Variants in LRP6 observed in about 807,000 individuals in gnomAD.
LRP6 encodes low-density lipoprotein receptor-related protein 6.
Under a neutral mutation model 184.1 loss-of-function variants are expected in LRP6, and 43 were observed. That is an observed-to-expected ratio of 0.23 (90% CI 0.18 to 0.30). The LOEUF (loss-of-function observed/expected upper bound fraction) is 0.30. Ranked by LOEUF, LRP6 falls within the 10% of genes least tolerant of loss-of-function variation. The probability of loss-of-function intolerance (pLI) is 1.00; values close to 1 mark genes in which losing one functional copy is unlikely to be tolerated. For missense variants in LRP6, 1,571 were observed against 2,005.3 expected, an observed-to-expected ratio of 0.78 and a Z score of 4.14; for synonymous variants, 719 against 684.9, an observed-to-expected ratio of 1.05 and a Z score of -0.78.
At chr12:12,181,489 T>C in intron 5 of LRP6, 50 bp from the exon 6 acceptor site, 1 of 869,438 alleles carries the variant, frequency 1.2e-6, no homozygotes. Flanking sequence ...AGAGGTAAAA[T>C]TTACCTGCTC....
chr12:12,169,921 G>C (rs183533597), intron 7 of LRP6, among the ~76,000 whole-genome samples: 1 of 152,008 alleles, frequency 6.6e-6, no homozygotes, highest in Non-Finnish European at 1.5e-5. Flanking sequence ...TTCTCATCTG[G>C]TGTAGTTTTT....
At chr12:12,177,424 C>T (rs1863218903) in intron 7 of LRP6, among the ~76,000 whole-genome samples, 1 of 152,094 alleles carries the variant, frequency 6.6e-6, no homozygotes. Flanking sequence ...TTTTCAAGTT[C>T]ACAGTATTAT....
Position 12,150,941 on chromosome 12 carries a change from G to A in LRP6, c.2889C>T (p.Ser963=), listed in dbSNP as rs1950073025. ...AGTCAATGGCCCGGACATTCCGAAGGCTGTGGATGGGAAGGATGATGTCGG... is the reference window on the plus strand; with the variant it reads ...AGTCAATGGCCCGGACATTCCGAAGACTGTGGATGGGAAGGATGATGTCGG... ...QSPDIILPIH[S]LRNVRAIDYD... Residue 963 remains serine (S), a synonymous_variant, in exon 13 of 23, where the codon AGC becomes AGT. Transcript: ENST00000261349. 3 of 1,614,066 alleles carry A rather than the reference G, an allele frequency of 1.9e-6. No homozygotes were observed. The highest frequency in any genetic ancestry group is 2.7e-5 in the African/African-American group (2 of 74,932).
At chr12:12,240,385 A>C (rs1337933045) in intron 2 of LRP6, among the ~76,000 whole-genome samples, 1 of 152,148 alleles carries the variant, frequency 6.6e-6, no homozygotes, top group Non-Finnish European at 1.5e-5. Flanking sequence ...CATCCTGGCT[A>C]ACATGGCAAA....
At chr12:12,131,614 A>C (rs1196300307) in intron 18 of LRP6, among the ~76,000 whole-genome samples, 2 of 152,202 alleles carry the variant, frequency 1.3e-5, no homozygotes, top group Non-Finnish European at 2.9e-5. Flanking sequence ...TTCATTTCTC[A>C]ATTTTCAAAG....
intron 2 of LRP6, among the ~76,000 whole-genome samples, chr12:12,219,370 T>A (rs941618047): frequency 2.6e-5 from 4 of 152,132 alleles, no homozygotes; most frequent in African/African-American, 9.7e-5. Flanking sequence ...CACGCCTGGC[T>A]AATTTTTGTA....
At chr12:12,159,549 G>A (rs1862690829) in intron 11 of LRP6, among the ~76,000 whole-genome samples, 1 of 152,236 alleles carries the variant, frequency 6.6e-6, no homozygotes, top group East Asian at 1.9e-4. Flanking sequence ...TATCTAGGGA[G>A]TTATAAATTT....
rs1330080941 is a variant in LRP6, at chr12:12,186,936, C to A, written c.831G>T (p.Gln277His). Residue 277 changes from glutamine (Q) to histidine (H), a missense_variant, in exon 4 of 23, where the codon CAG becomes CAT. Transcript: ENST00000261349. ...AGGATCACTTACCATTTGGCTGCCT[C>A]TGTTGGCTGAAGGCATGTATATCCA... Reference protein sequence around the residue: ...SPMDIHAFSQQRQPNATNPCG... With the variant: ...SPMDIHAFSQHRQPNATNPCG... 1.2e-6 allele frequency: 2 copies of A among 1,614,164 alleles called. No homozygotes were observed. The highest frequency in any genetic ancestry group is 1.7e-6 in the Non-Finnish European group (2 of 1,180,004).
At chr12:12,210,320 G>T (rs999238910) in intron 2 of LRP6, among the ~76,000 whole-genome samples, 1 of 152,190 alleles carries the variant, frequency 6.6e-6, no homozygotes, top group Non-Finnish European at 1.5e-5. Flanking sequence ...AAATGTGAAT[G>T]TGTGTGTATT....
intron 2 of LRP6, among the ~76,000 whole-genome samples, chr12:12,205,325 CAAACAAAAAAAAA>C (rs1379174602): frequency 7.6e-5 from 2 of 26,230 alleles, no homozygotes; most frequent in Middle Eastern, 0.022. Context: ...CTGTCTCAAA[CAAACAAAAAAAAA>C]AAAAAAAAAA....
chr12:12,116,028 T>C lies in LRP6; in HGVS notation c.*5098A>G, dbSNP rs1038680563. 3 of 152,256 alleles carry C rather than the reference T, an allele frequency of 2.0e-5. No homozygotes were observed. The highest frequency in any genetic ancestry group is 1.3e-4 in the Admixed American group (2 of 15,286). The allele number at this position is 152,256 out of a possible 1,614,324, so 9.4% of individuals were successfully genotyped here. On this transcript the variant is annotated 3_prime_UTR_variant, in exon 23 of 23. Coordinates refer to ENST00000261349, the MANE Select transcript of LRP6 (RefSeq NM_002336.3). Reference sequence around the variant, plus strand: ...GCTGAAAAGAAAGGACAGACACTTTTACTTTTCCACTGTTTTATTACAAAA... The same window carrying C: ...GCTGAAAAGAAAGGACAGACACTTTCACTTTTCCACTGTTTTATTACAAAA...
intron 2 of LRP6, among the ~76,000 whole-genome samples, chr12:12,239,622 C>T (rs547762899): frequency 6.6e-6 from 1 of 151,960 alleles, no homozygotes; most frequent in African/African-American, 2.4e-5. Context: ...GACAAAATCC[C>T]CAAGTGCAGG....
At chr12:12,166,516 T>A (rs958559700) in intron 7 of LRP6, among the ~76,000 whole-genome samples, 16 of 152,368 alleles carry the variant, frequency 1.1e-4, no homozygotes, top group African/African-American at 3.6e-4. Context: ...CTGATTCGGT[T>A]TTATTCTTAG....
At chr12:12,176,036 A>G (rs1486132033) in intron 7 of LRP6, among the ~76,000 whole-genome samples, 1 of 152,158 alleles carries the variant, frequency 6.6e-6, no homozygotes, top group Non-Finnish European at 1.5e-5. Flanking sequence ...TAAAAAAAAA[A>G]AAAGGAATGC....
At chr12:12,174,943 G>T (rs1267242120) in intron 7 of LRP6, among the ~76,000 whole-genome samples, 1 of 152,164 alleles carries the variant, frequency 6.6e-6, no homozygotes, top group Non-Finnish European at 1.5e-5. Flanking sequence ...TCTTAAAGTA[G>T]GGAAGCTTAC....
chr12:12,177,546 C>G (rs187605571), intron 7 of LRP6, among the ~76,000 whole-genome samples: 1 of 152,098 alleles, frequency 6.6e-6, no homozygotes, highest in Non-Finnish European at 1.5e-5. Context: ...CTAATTTAGA[C>G]GAAGAGCTGC....
At chr12:12,237,930 T>C (rs572711260) in intron 2 of LRP6, among the ~76,000 whole-genome samples, 262 of 152,340 alleles carry the variant, frequency 1.7e-3, no homozygotes, top group African/African-American at 6.2e-3. Flanking sequence ...TCAACATTAA[T>C]TCCTGGTTAG....
intron 2 of LRP6, among the ~76,000 whole-genome samples, chr12:12,232,240 C>T (rs1481937826): frequency 1.3e-5 from 2 of 151,604 alleles, no homozygotes; most frequent in African/African-American, 2.4e-5. Context: ...AAAAATTAGC[C>T]GGGCATGGTG....
intron 19 of LRP6, among the ~76,000 whole-genome samples, chr12:12,130,454 G>A (rs1228367342): frequency 6.6e-6 from 1 of 152,162 alleles, no homozygotes; most frequent in Non-Finnish European, 1.5e-5. Context: ...CCAAAGTGCT[G>A]GGATTACAGG....
Sources: allele counts gnomAD v4.1 joint callset (sites outside exome capture counted in the v4.1 genomes callset), GRCh38; gene constraint gnomAD v4.1.1; transcripts MANE v1.5; gene names NCBI Gene and HGNC (gene_info 2026-07-23, HGNC 2026-07-21).